ZGRF1: variants seen among roughly 807,000 people sequenced by gnomAD.
ZGRF1 encodes 5'-3' DNA helicase ZGRF1.
ZGRF1 carries 196 observed loss-of-function variants against 203.5 expected under a neutral mutation model. That is an observed-to-expected ratio of 0.96 (90% confidence interval 0.86 to 1.08). The LOEUF (loss-of-function observed/expected upper bound fraction) is 1.08, where lower values mean the gene tolerates loss of function less well. Ranked by LOEUF, ZGRF1 falls within the 50% of genes least tolerant of loss-of-function variation. ZGRF1 has a pLI of 0.00. For missense variants in ZGRF1, 2,326 were observed against 2,416.3 expected, an observed-to-expected ratio of 0.96 and a Z score of 0.78; for synonymous variants, 809 against 841.3, an observed-to-expected ratio of 0.96 and a Z score of 0.66.
chr4:112,572,220 C>T (rs1485250556), intron 16 of ZGRF1, among the ~76,000 whole-genome samples: 1 of 152,110 alleles, frequency 6.6e-6, no homozygotes, highest in Non-Finnish European at 1.5e-5. Context: ...ACCAATAGAA[C>T]AGAATAGAGA....
intron 3 of ZGRF1, among the ~76,000 whole-genome samples, chr4:112,626,111 A>G (rs2047231716): frequency 6.6e-6 from 1 of 152,096 alleles, no homozygotes; most frequent in Non-Finnish European, 1.5e-5. Flanking sequence ...CTGGGTACTG[A>G]GTAGTAATTG....
Position 112,577,812 on chromosome 4 carries a change from C to T in ZGRF1, c.4438+3851G>A, listed in dbSNP as rs188865658. On this transcript the variant is annotated intron_variant, in intron 16 of 27. Coordinates refer to ENST00000505019, the MANE Select transcript of ZGRF1 (RefSeq NM_018392.5). ...TTAGAGACCTACAAAGAGACTTAGA[C>T]TTCCACACAATAATAATGGGAGACT... Among the ~76,000 whole-genome samples, 107 of 122,392 alleles carry T rather than the reference C, an allele frequency of 8.7e-4. 30 individuals are homozygous for T. The highest frequency in any genetic ancestry group is 1.5e-3 in the Admixed American group (16 of 10,740). The allele number at this position is 122,392 out of a possible 152,430, so 80.3% of individuals were successfully genotyped here.
chr4:112,610,929 C>A, intron 7 of ZGRF1: 2 of 306,200 alleles, frequency 6.5e-6, no homozygotes, highest in South Asian at 2.7e-5. Context: ...ATCAATCTAA[C>A]CATTTTTTTT....
intron 10 of ZGRF1, among the ~76,000 whole-genome samples, chr4:112,594,424 A>G (rs535036115): frequency 1.7e-3 from 251 of 148,870 alleles, no homozygotes; most frequent in African/African-American, 6.0e-3. Context: ...AAAGCTATTA[A>G]TTTTTTAAGT....
rs148503608 is a variant in ZGRF1, at chr4:112,602,424, C to T, written c.2976+1100G>A. On this transcript the variant is annotated intron_variant, in intron 10 of 27. Transcript: ENST00000505019. The stretch of plus-strand genomic sequence containing the variant: ...ATGTAGAGTGATGGGCACTCTCATA[C>T]ACTCCTAATGGAAATGTAAATTATA... Among the ~76,000 whole-genome samples the T allele has an allele frequency of 2.4e-3, 363 of 152,358 alleles. 1 individual carries two copies. The highest frequency in any genetic ancestry group is 4.4e-3 in the Non-Finnish European group (296 of 68,034).
At position 112,540,833 on chromosome 4, in the gene ZGRF1, G is replaced by A. The variant is rs763449565; in HGVS notation, c.5898C>T (p.Ser1966=). 17 of 1,593,392 alleles carry A rather than the reference G, an allele frequency of 1.1e-5. No homozygotes were observed. The highest frequency in any genetic ancestry group is 1.7e-4 in the Middle Eastern group (1 of 6,056). ...ACATAATACCAACCTTGTACATCTGGGATTTGTATAATGTTATCACACCAA... is the reference window on the plus strand; with the variant it reads ...ACATAATACCAACCTTGTACATCTGAGATTTGTATAATGTTATCACACCAA... The part of the protein sequence containing the change: ...SMIGVITLYK[S]QMYKLCHLLS... The change falls in exon 26 of 28, where the codon TCC becomes TCT. Residue 1966 remains serine (S), a synonymous_variant. Transcript: ENST00000505019.
intron 16 of ZGRF1, among the ~76,000 whole-genome samples, chr4:112,578,774 C>A (rs1261546193): frequency 2.3e-4 from 27 of 119,654 alleles, no homozygotes; most frequent in African/African-American, 5.0e-4. Context: ...TTGAGGCAAT[C>A]ATTAATAGCC....
In ZGRF1 at chr4:112,541,256, T is replaced by C. The variant is rs762443391; in HGVS notation, c.5611A>G (p.Ile1871Val). Residue 1871 changes from isoleucine (I) to valine (V), a missense_variant, in exon 25 of 28, where the codon ATT (isoleucine) becomes GTT (valine). Ile to Val is a conservative substitution (Grantham distance 29, BLOSUM62 3). Coordinates refer to ENST00000505019, the MANE Select transcript of ZGRF1 (RefSeq NM_018392.5). ...DRLCLMGHKPILLRTQYRCHP... is the reference protein window; with the variant it reads ...DRLCLMGHKPVLLRTQYRCHP... ...CAACGGTATTGAGTTCTCAATAGAA[T>C]TGGCTTGTGACCCTAAGAAATTTAA... is the stretch of plus-strand genomic sequence containing the variant. The C allele has an allele frequency of 1.1e-5, 18 of 1,565,418 alleles. 1 individual carries two copies. The Admixed American group carries it at 1.8e-4, about 15-fold the overall frequency.
At chr4:112,548,727 T>A (rs910011059) in intron 22 of ZGRF1, among the ~76,000 whole-genome samples, 1 of 151,554 alleles carries the variant, frequency 6.6e-6, no homozygotes, top group Non-Finnish European at 1.5e-5. Flanking sequence ...ATACATTATA[T>A]CAACACAGGC....
intron 17 of ZGRF1, 32 bp downstream of exon 17, chr4:112,563,099 A>C (rs1410990134): frequency 6.6e-7 from 1 of 1,504,094 alleles, no homozygotes; most frequent in East Asian, 2.5e-5. Context: ...TTCTTTTTAA[A>C]TATAAACTAA....
chr4:112,584,326 T>C (rs1746794782), intron 14 of ZGRF1, among the ~76,000 whole-genome samples, 152 bp from the exon 15 acceptor site: 1 of 152,212 alleles, frequency 6.6e-6, no homozygotes, highest in African/African-American at 2.4e-5. Context: ...ATCATTAATT[T>C]AAAATTTAAA....
intron 24 of ZGRF1, among the ~76,000 whole-genome samples, chr4:112,544,002 A>AT (rs35151202): frequency 0.39 from 59,077 of 151,094 alleles, 11,755 homozygotes; most frequent in South Asian, 0.49. Flanking sequence ...TTTTAAGATA[A>AT]TTTTTTTTTA....
intron 8 of ZGRF1, among the ~76,000 whole-genome samples, chr4:112,608,963 G>A (rs958976170): frequency 2.0e-5 from 3 of 151,870 alleles, no homozygotes; most frequent in African/African-American, 4.8e-5. Context: ...CACTACAAAT[G>A]ATTTCAAAAA....
At chr4:112,559,365 A>G (rs1182769572) in intron 19 of ZGRF1, among the ~76,000 whole-genome samples, 1 of 152,000 alleles carries the variant, frequency 6.6e-6, no homozygotes, top group Non-Finnish European at 1.5e-5. Context: ...TGTCCAGCTA[A>G]TTTTTAAATT....
intron 18 of ZGRF1, 119 bp from the exon 19 acceptor site, chr4:112,561,114 A>T: frequency 1.3e-6 from 1 of 762,398 alleles, no homozygotes; most frequent in South Asian, 1.8e-5. Context: ...TTTTTTATGG[A>T]AATAAACAGT....
At chr4:112,583,023 A>G (rs982863749) in intron 15 of ZGRF1, among the ~76,000 whole-genome samples, 4 of 152,142 alleles carry the variant, frequency 2.6e-5, no homozygotes, top group Admixed American at 6.5e-5. Flanking sequence ...GGATTGCTGG[A>G]TCATATGATA....
chr4:112,562,363 T>C lies in ZGRF1; in HGVS notation c.4697+8A>G. 1 of 1,506,754 alleles carries C rather than the reference T, an allele frequency of 6.6e-7. No homozygotes were observed. Among genetic ancestry groups the C allele is most frequent in the South Asian group, 1.2e-5 (1 of 85,850 alleles). 93.3% of individuals were successfully genotyped at this position (1,506,754 alleles called of 1,614,324 possible). A position where few individuals can be genotyped will look rare whatever the true frequency, so the allele number is the denominator to read the frequency against. ...ATACCAATGACTCAAAGGTAAAAAA[T>C]GACTTACGTTGTTAACAGGTACTGT... On this transcript the variant is annotated splice_region_variant and intron_variant, in intron 18 of 27. Transcript: ENST00000505019.
At chr4:112,610,308 T>C (rs1353721566) in intron 7 of ZGRF1, among the ~76,000 whole-genome samples, 3 of 152,148 alleles carry the variant, frequency 2.0e-5, no homozygotes, top group Non-Finnish European at 2.9e-5. Context: ...CGGAGGCTCA[T>C]GCCTATAATC....
Position 112,548,866 on chromosome 4 carries a change from G to C in ZGRF1, c.5347-486C>G, listed in dbSNP as rs1309196989. ...GCGGTGGCTCACGCCTGTAATCCCA[G>C]CACTTTGGGAGGCCGAGGCGGGCGG... On this transcript the variant is annotated intron_variant, in intron 22 of 27. Coordinates refer to ENST00000505019, the MANE Select transcript of ZGRF1 (RefSeq NM_018392.5). Among the ~76,000 whole-genome samples the C allele has an allele frequency of 4.4e-4, 11 of 25,198 alleles. 3 individuals are homozygous for C. Among genetic ancestry groups the C allele is most frequent in the Non-Finnish European group, 7.6e-5 (1 of 13,164 alleles). 16.5% of individuals were successfully genotyped at this position (25,198 alleles called of 152,430 possible). A position where few individuals can be genotyped will look rare whatever the true frequency, so the allele number is the denominator to read the frequency against.
Sources: gnomAD v4.1 joint callset for allele counts (sites outside exome capture counted in the v4.1 genomes callset) on GRCh38, gnomAD v4.1.1 for gene constraint, MANE v1.5 for transcripts, NCBI Gene and HGNC (gene_info 2026-07-23, HGNC 2026-07-21) for gene names.